The following RANBP2 variants were observed in gnomAD, a reference collection of about 807,000 sequenced individuals.
RANBP2 encodes RAN binding protein 2.
In RANBP2, 57 loss-of-function variants were observed where a neutral mutation model predicts 303.6. That is an observed-to-expected ratio of 0.19 (90% CI 0.15 to 0.23). The LOEUF is 0.23. Among genes scored for constraint, RANBP2 ranks in the 10% least tolerant of loss-of-function variants. The pLI is 1.00. For missense variants in RANBP2, 3,138 were observed against 3,780.8 expected (o/e 0.83, Z 4.46); for synonymous variants, 1,167 against 1,301.5 (o/e 0.90, Z 2.23).
At chr2:109,763,457 A>G in the RANBP2 span, among the ~76,000 whole-genome samples, 1 of 150,216 alleles carries the variant, frequency 6.7e-6, no homozygotes, top group Non-Finnish European at 1.5e-5. Flanking sequence ...CAGTCAGACA[A>G]TTGCCATTTT....
chr2:109,159,242 G>T, the RANBP2 span, among the ~76,000 whole-genome samples: 1 of 152,356 alleles, frequency 6.6e-6, no homozygotes, highest in South Asian at 2.1e-4. Flanking sequence ...GTGCTCTGCT[G>T]CTGGCCTTCC....
chr2:109,008,673 T>A, the RANBP2 span, among the ~76,000 whole-genome samples: 2 of 150,236 alleles, frequency 1.3e-5, no homozygotes, highest in African/African-American at 2.4e-5. Context: ...GAGGCCGAGA[T>A]GGGCGGATCA....
At chr2:108,942,030 G>A in the RANBP2 span, among the ~76,000 whole-genome samples, 16 of 152,364 alleles carry the variant, frequency 1.1e-4, no homozygotes, top group East Asian at 3.1e-3. Context: ...CTCCACAGGT[G>A]CCTCAGAGAA....
chr2:109,664,235 C>G, the RANBP2 span, among the ~76,000 whole-genome samples: 1 of 152,204 alleles, frequency 6.6e-6, no homozygotes, highest in Non-Finnish European at 1.5e-5. Flanking sequence ...GAAATTCAAA[C>G]AACAATATGA....
chr2:108,812,643 A>C, the RANBP2 span: 1 of 1,612,296 alleles, frequency 6.2e-7, no homozygotes, highest in Non-Finnish European at 8.5e-7. Flanking sequence ...AAATGAAGCA[A>C]GTGAAGAAAA....
At chr2:109,100,658 A>C in the RANBP2 span, among the ~76,000 whole-genome samples, 2 of 152,192 alleles carry the variant, frequency 1.3e-5, no homozygotes, top group African/African-American at 2.4e-5. Context: ...TGGTCTCCCC[A>C]GGGAGGTCTC....
chr2:109,238,494 T>A, the RANBP2 span, among the ~76,000 whole-genome samples: 4 of 136,140 alleles, frequency 2.9e-5, no homozygotes, highest in East Asian at 7.1e-4. Flanking sequence ...TGTGTGTGTG[T>A]GTGTGAGAGT....
chr2:109,601,598 G>C, the RANBP2 span, among the ~76,000 whole-genome samples: 1 of 152,086 alleles, frequency 6.6e-6, no homozygotes, highest in South Asian at 2.1e-4. Context: ...TCTCTTATTA[G>C]TAAGAGCTGC....
chr2:109,129,417 G>C, the RANBP2 span: 14 of 1,459,934 alleles, frequency 9.6e-6, no homozygotes, highest in South Asian at 1.8e-4. Flanking sequence ...CGGGCCACCA[G>C]CCGGGGTGAA....
At chr2:109,412,094 T>C in the RANBP2 span, among the ~76,000 whole-genome samples, 2 of 152,218 alleles carry the variant, frequency 1.3e-5, no homozygotes, top group Admixed American at 6.5e-5. Context: ...TGCTTTACGT[T>C]GGACTCACGC....
the RANBP2 span, chr2:109,617,713 G>GA: frequency 6.0e-6 from 1 of 167,002 alleles, no homozygotes. Context: ...GATGGTCATT[G>GA]AATTTGTTTA....
chr2:109,262,926 G>A, the RANBP2 span, among the ~76,000 whole-genome samples: 10 of 151,938 alleles, frequency 6.6e-5, no homozygotes, highest in African/African-American at 9.7e-5. Context: ...TTTGCCTCCC[G>A]GGTTCCAGCA....
chr2:109,680,763 T>C, the RANBP2 span, among the ~76,000 whole-genome samples: 1 of 152,206 alleles, frequency 6.6e-6, no homozygotes, highest in Non-Finnish European at 1.5e-5. Context: ...GTGATTACTT[T>C]GCAAAAAATT....
chr2:109,677,846 A>G, the RANBP2 span, among the ~76,000 whole-genome samples: 1 of 152,178 alleles, frequency 6.6e-6, no homozygotes, highest in Non-Finnish European at 1.5e-5. Context: ...TCTGTGTCTT[A>G]CTCTAAACCA....
the RANBP2 span, among the ~76,000 whole-genome samples, chr2:108,901,589 T>C: frequency 6.6e-6 from 1 of 152,020 alleles, no homozygotes; most frequent in African/African-American, 2.4e-5. Context: ...AAGACACAAA[T>C]TACCAATATC....
the RANBP2 span, among the ~76,000 whole-genome samples, chr2:109,027,903 G>C: frequency 6.6e-6 from 1 of 152,216 alleles, no homozygotes; most frequent in Non-Finnish European, 1.5e-5. Context: ...CTCAGAGGGA[G>C]CACTGGGCTC....
the RANBP2 span, among the ~76,000 whole-genome samples, chr2:108,924,777 C>T: frequency 6.6e-6 from 1 of 152,244 alleles, no homozygotes; most frequent in Non-Finnish European, 1.5e-5. Flanking sequence ...GCCACGACAG[C>T]CAGTTTTACA....
At chr2:109,599,448 A>G in the RANBP2 span, among the ~76,000 whole-genome samples, 3,476 of 142,190 alleles carry the variant, frequency 0.024, 49 homozygotes, top group Non-Finnish European at 0.037. Flanking sequence ...AAAGAGCAAG[A>G]CTCAGTCTCC....
chr2:109,078,826 C>CAAAAA, the RANBP2 span, among the ~76,000 whole-genome samples: 2 of 105,444 alleles, frequency 1.9e-5, no homozygotes, highest in African/African-American at 6.2e-5. Flanking sequence ...ACTAAAAATA[C>CAAAAA]AAAAAAAAAA....
Sources: gnomAD v4.1 joint callset for allele counts (sites outside exome capture counted in the v4.1 genomes callset) on GRCh38, gnomAD v4.1.1 for gene constraint, MANE v1.5 for transcripts, NCBI Gene and HGNC (gene_info 2026-07-23, HGNC 2026-07-21) for gene names.